Variants in ITIH5 observed in about 807,000 individuals in gnomAD.
ITIH5 encodes inter-alpha-trypsin inhibitor heavy chain 5.
Under a neutral mutation model 77.5 loss-of-function variants are expected in ITIH5, and 65 were observed. The ratio of observed to expected loss-of-function variants is 0.84; its 90% CI spans 0.69 to 1.03. The LOEUF (loss-of-function observed/expected upper bound fraction) is 1.03. Ranked by LOEUF, ITIH5 falls within the 50% of genes least tolerant of loss-of-function variation. The probability of loss-of-function intolerance (pLI) is 0.00; values close to 1 mark genes in which losing one functional copy is unlikely to be tolerated. For missense variants in ITIH5, 1,208 were observed against 1,213.1 expected (o/e 1.00, Z 0.06); for synonymous variants, 525 against 494.3 (o/e 1.06, Z -0.82).
At chr10:7,623,339 T>C (rs1014211646) in intron 5 of ITIH5, among the ~76,000 whole-genome samples, 8 of 152,200 alleles carry the variant, frequency 5.3e-5, no homozygotes, top group African/African-American at 1.7e-4. Flanking sequence ...CCTGCTTACC[T>C]GGGATCCAAC....
intron 13 of ITIH5, 145 bp from the exon 14 acceptor site, chr10:7,563,529 T>A (rs377680237): frequency 2.9e-6 from 2 of 696,618 alleles, no homozygotes; most frequent in Middle Eastern, 2.8e-4. Context: ...GAAGAACATG[T>A]GCTCTGGGGG....
intron 7 of ITIH5, chr10:7,600,660 G>T: frequency 2.2e-6 from 1 of 446,074 alleles, no homozygotes; most frequent in South Asian, 1.6e-5. Context: ...CAAAGCCTAG[G>T]GGTACACAAG....
At chr10:7,587,474 C>G (rs1004380036) in intron 7 of ITIH5, among the ~76,000 whole-genome samples, 1 of 152,224 alleles carries the variant, frequency 6.6e-6, no homozygotes, top group African/African-American at 2.4e-5. Context: ...TCAGAGCCAG[C>G]TGTCACCCTT....
intron 1 of ITIH5, among the ~76,000 whole-genome samples, chr10:7,665,882 G>A (rs1834353821): frequency 6.6e-6 from 1 of 152,178 alleles, no homozygotes; most frequent in Admixed American, 6.5e-5. Flanking sequence ...TTACTGTTAA[G>A]CACATTCACA....
intron 2 of ITIH5, among the ~76,000 whole-genome samples, chr10:7,649,987 A>T (rs963941042): frequency 1.3e-5 from 2 of 151,936 alleles, no homozygotes; most frequent in African/African-American, 4.9e-5. Context: ...AAATAGTGGT[A>T]AAAAAAATCT....
At chr10:7,586,848 T>C (rs1832689622) in intron 7 of ITIH5, among the ~76,000 whole-genome samples, 1 of 151,506 alleles carries the variant, frequency 6.6e-6, no homozygotes, top group East Asian at 2.0e-4. Context: ...ATTTTTTTTT[T>C]CATACAAACT....
chr10:7,643,124 T>C (rs895446721), intron 2 of ITIH5, among the ~76,000 whole-genome samples: 2 of 152,134 alleles, frequency 1.3e-5, no homozygotes, highest in Non-Finnish European at 2.9e-5. Context: ...TCTCCATGTG[T>C]GTGCACCAAG....
rs745730124 is a variant in ITIH5, at chr10:7,563,069, T to C, written c.*14A>G. On this transcript the variant is annotated 3_prime_UTR_variant, in exon 14 of 14. Transcript: ENST00000397146. ...ACTGTCCTTCATGCACTTGCATCTT[T>C]AAGGCTGCCAGCTTCAGAGCTCCCT... 37 of 1,612,344 alleles carry C rather than the reference T, an allele frequency of 2.3e-5. No individual in the cohort carries two copies. Among genetic ancestry groups the C allele is most frequent in the Non-Finnish European group, 3.1e-5 (36 of 1,178,482 alleles).
intron 13 of ITIH5, 125 bp downstream of exon 13, chr10:7,565,905 A>G (rs1240266977): frequency 2.3e-6 from 3 of 1,288,100 alleles, no homozygotes; most frequent in Non-Finnish European, 3.2e-6. Flanking sequence ...CGGACTGTAT[A>G]TATAATGAAA....
intron 2 of ITIH5, among the ~76,000 whole-genome samples, chr10:7,651,428 C>T (rs1055045705): frequency 3.3e-5 from 5 of 152,006 alleles, no homozygotes; most frequent in South Asian, 2.1e-4. Context: ...ACTAAAAATA[C>T]GAAAATTAGC....
In ITIH5 at chr10:7,576,949, T is replaced by C; in HGVS notation, c.1482A>G (p.Ser494=). Reference sequence around the variant, plus strand: ...ACAGGGTCTTGGTGGCCTGCACCACTGAGCTGGGGGGATAATCGATGCGGA... The same window carrying C: ...ACAGGGTCTTGGTGGCCTGCACCACCGAGCTGGGGGGATAATCGATGCGGA... ...SDIRIDYPPS[S]VVQATKTLFP... The change falls in exon 10 of 14, where the codon TCA becomes TCG. Residue 494 remains serine (S), a synonymous_variant. Coordinates refer to ENST00000397146, the MANE Select transcript of ITIH5 (RefSeq NM_030569.7). The C allele has an allele frequency of 6.2e-7, 1 of 1,614,094 alleles. No individual in the cohort carries two copies. Among genetic ancestry groups the C allele is most frequent in the Non-Finnish European group, 8.5e-7 (1 of 1,179,994 alleles).
At chr10:7,579,658 G>C (rs1832498728) in intron 9 of ITIH5, 97 bp downstream of exon 9, 1 of 1,236,904 alleles carries the variant, frequency 8.1e-7, no homozygotes, top group Non-Finnish European at 1.2e-6. Context: ...CAGATGCAAG[G>C]CTGGGGTGCA....
At chr10:7,643,114 T>C (rs1237303620) in intron 2 of ITIH5, among the ~76,000 whole-genome samples, 1 of 152,112 alleles carries the variant, frequency 6.6e-6, no homozygotes, top group African/African-American at 2.4e-5. Context: ...TCTATCTCTC[T>C]CTCCATGTGT....
intron 1 of ITIH5, 94 bp from the exon 2 acceptor site, chr10:7,655,769 G>A (rs1834172718): frequency 1.0e-6 from 1 of 978,808 alleles, no homozygotes; most frequent in Admixed American, 1.9e-5. Context: ...AGTTATACAA[G>A]GGGGTTAAAA....
rs746813163 is a variant in ITIH5 at position 7,566,063 on chromosome 10, C to T, written c.2494G>A (p.Glu832Lys). The T allele has an allele frequency of 9.9e-6, 16 of 1,613,968 alleles. No homozygotes were observed. Among genetic ancestry groups the T allele is most frequent in the Admixed American group, 8.3e-5 (5 of 59,994 alleles). ...HHLGFYIANS[E>K]GLSSNCHGLL... ...CCGTGGCAGTTGCTGGAAAGGCCCT[C>T]GCTGTTGGCAATGTAGAAACCCAGG... is the stretch of plus-strand genomic sequence containing the variant. Residue 832 changes from glutamate (E) to lysine (K), a missense_variant, in exon 13 of 14, where the codon GAG becomes AAG. Coordinates refer to ENST00000397146, the MANE Select transcript of ITIH5 (RefSeq NM_030569.7).
chr10:7,611,434 T>C (rs1398711124), intron 7 of ITIH5, among the ~76,000 whole-genome samples: 1 of 152,222 alleles, frequency 6.6e-6, no homozygotes, highest in Admixed American at 6.5e-5. Context: ...AGGGTTTATT[T>C]TTCTGAGGGT....
At chr10:7,662,163 G>C (rs2131117815) in intron 1 of ITIH5, among the ~76,000 whole-genome samples, 2 of 152,266 alleles carry the variant, frequency 1.3e-5, no homozygotes, top group East Asian at 1.9e-4. Flanking sequence ...TTCGAGACCA[G>C]CCTGGCCAAC....
intron 7 of ITIH5, among the ~76,000 whole-genome samples, chr10:7,612,132 A>G (rs192317246): frequency 6.6e-6 from 1 of 152,172 alleles, no homozygotes; most frequent in African/African-American, 2.4e-5. Context: ...AGAAAATGAC[A>G]GGGCATGCGT....
chr10:7,660,210 CAA>C (rs1388037397), intron 1 of ITIH5, among the ~76,000 whole-genome samples: 1 of 152,144 alleles, frequency 6.6e-6, no homozygotes, highest in Non-Finnish European at 1.5e-5. Context: ...GCACAATAGA[CAA>C]AGTGAGTTTT....
Sources: allele counts gnomAD v4.1 joint callset (sites outside exome capture counted in the v4.1 genomes callset), GRCh38; gene constraint gnomAD v4.1.1; transcripts MANE v1.5; gene names NCBI Gene and HGNC (gene_info 2026-07-23, HGNC 2026-07-21).